Variants in COL21A1 observed in about 807,000 individuals in gnomAD.
COL21A1 encodes collagen alpha-1(XXI) chain.
Under a neutral mutation model 137.9 loss-of-function variants are expected in COL21A1, and 149 were observed. The observed-to-expected ratio is 1.08, with a 90% CI of 0.95 to 1.24. COL21A1 has a LOEUF of 1.24. Ranked by LOEUF, COL21A1 falls within the 50% of genes most tolerant of loss-of-function variation. The pLI is 0.00. For synonymous variants in COL21A1, 456 were observed against 391.5 expected, an observed-to-expected ratio of 1.16 and a Z score of -1.95; for missense variants, 1,167 against 1,158.4, an observed-to-expected ratio of 1.01 and a Z score of -0.11.
intron 17 of COL21A1, 70 bp from the exon 18 acceptor site, chr6:56,077,643 C>A: frequency 2.2e-6 from 2 of 898,642 alleles, no homozygotes; most frequent in African/African-American, 1.7e-5. Context: ...AAGAAACAGT[C>A]ACAATTGGAA....
intron 1 of COL21A1, among the ~76,000 whole-genome samples, chr6:56,285,878 T>G (rs901407493): frequency 1.7e-4 from 25 of 149,052 alleles, no homozygotes; most frequent in Non-Finnish European, 3.4e-4. Flanking sequence ...GCTTGCTTAC[T>G]CTTTTCTTCC....
chr6:56,391,006 C>T (rs2094028685), intron 1 of COL21A1, among the ~76,000 whole-genome samples: 2 of 152,150 alleles, frequency 1.3e-5, no homozygotes, highest in Admixed American at 1.3e-4. Flanking sequence ...GATCCAGTAC[C>T]TGCCAAATAC....
chr6:56,189,131 A>G (rs1308830831), intron 1 of COL21A1, among the ~76,000 whole-genome samples: 1 of 152,152 alleles, frequency 6.6e-6, no homozygotes, highest in Admixed American at 6.5e-5. Context: ...ACGAATTGAC[A>G]GAAGTAGGCT....
intron 1 of COL21A1, among the ~76,000 whole-genome samples, chr6:56,234,912 A>C (rs1461066710): frequency 2.0e-5 from 2 of 100,938 alleles, no homozygotes; most frequent in Admixed American, 1.8e-4. Flanking sequence ...TCATCCAGAA[A>C]ACACAACATC....
chr6:56,087,071 GT>G (rs1768326752), intron 17 of COL21A1, among the ~76,000 whole-genome samples: 2 of 65,808 alleles, frequency 3.0e-5, no homozygotes, highest in South Asian at 4.3e-4. Flanking sequence ...CTTTTGTTTT[GT>G]TTTGTTTTGT....
At chr6:56,141,525 G>A (rs968024808) in intron 12 of COL21A1, among the ~76,000 whole-genome samples, 2 of 152,166 alleles carry the variant, frequency 1.3e-5, no homozygotes, top group African/African-American at 4.8e-5. Flanking sequence ...GTAACTCCCT[G>A]TGGAGCTTAA....
chr6:56,116,400 A>T (rs1221244751), intron 16 of COL21A1, among the ~76,000 whole-genome samples: 9 of 19,462 alleles, frequency 4.6e-4, no homozygotes, highest in South Asian at 4.0e-3. Flanking sequence ...CAAAGGTAAA[A>T]AAAAAAAAAA....
At position 56,240,169 on chromosome 6, in the gene COL21A1, T is replaced by TC. The variant is rs1409502091; in HGVS notation, c.-39+7217_-39+7218insG. 1.2e-4 allele frequency among the ~76,000 whole-genome samples: 18 copies of TC among 152,034 alleles called. No homozygotes were observed. The East Asian group carries it at 3.3e-3, about 28-fold the overall frequency. On this transcript the variant is annotated intron_variant, in intron 1 of 29. Transcript: ENST00000244728. ...TGTGAGTCCATTAAACTTTTTTTTTTTTTTTTAAATAAACTACCCAGTCTC... is the reference window on the plus strand; with the variant it reads ...TGTGAGTCCATTAAACTTTTTTTTTTCTTTTTTAAATAAACTACCCAGTCTC...
chr6:56,390,918 C>CA (rs539587957), intron 1 of COL21A1, among the ~76,000 whole-genome samples: 83 of 152,166 alleles, frequency 5.5e-4, no homozygotes, highest in African/African-American at 1.9e-3. Flanking sequence ...ATCATCCAGA[C>CA]AAAAAATCAA....
intron 6 of COL21A1, 22 bp from the exon 7 acceptor site, chr6:56,167,005 A>G: frequency 1.3e-6 from 2 of 1,584,116 alleles, no homozygotes; most frequent in Non-Finnish European, 1.7e-6. Context: ...AACCCAGTAG[A>G]ATTAAAGTTG....
intron 3 of COL21A1, among the ~76,000 whole-genome samples, chr6:56,171,990 G>A (rs1777097985): frequency 6.6e-6 from 1 of 150,490 alleles, no homozygotes; most frequent in Non-Finnish European, 1.5e-5. Context: ...AAAGAAAAAG[G>A]AAGAGAAAGA....
At chr6:56,247,907 T>C (rs1782738149), upstream of COL21A1, among the ~76,000 whole-genome samples, 1 of 152,206 alleles carries the variant, frequency 6.6e-6, no homozygotes, top group Non-Finnish European at 1.5e-5. Flanking sequence ...TCGCCTGCAC[T>C]GATCGAAGGA....
At chr6:56,124,217 A>G in intron 15 of COL21A1, 22 bp downstream of exon 15, 1 of 1,580,730 alleles carries the variant, frequency 6.3e-7, no homozygotes, top group Non-Finnish European at 8.6e-7. Flanking sequence ...AAATACTAAG[A>G]GCTTTTTTCT....
chr6:56,390,579 T>C (rs1280194374), intron 1 of COL21A1, among the ~76,000 whole-genome samples: 1 of 148,472 alleles, frequency 6.7e-6, no homozygotes, highest in Non-Finnish European at 1.5e-5. Context: ...TCTATAAAGA[T>C]ACAAACAGCC....
chr6:56,373,212 T>C (rs1322175057), intron 1 of COL21A1, among the ~76,000 whole-genome samples: 1 of 152,246 alleles, frequency 6.6e-6, no homozygotes, highest in African/African-American at 2.4e-5. Context: ...TAGAGCCATA[T>C]TCCAGTTGGT....
At chr6:56,154,761 C>T (rs545793544) in intron 10 of COL21A1, among the ~76,000 whole-genome samples, 2 of 152,226 alleles carry the variant, frequency 1.3e-5, no homozygotes, top group East Asian at 3.9e-4. Context: ...GTAGATTGCC[C>T]TCACACTCTG....
At chr6:56,229,062 G>A (rs924063138) in intron 1 of COL21A1, among the ~76,000 whole-genome samples, 1 of 151,892 alleles carries the variant, frequency 6.6e-6, no homozygotes, top group African/African-American at 2.4e-5. Context: ...ATTTTTTGAT[G>A]CTTTCCAACT....
intron 1 of COL21A1, among the ~76,000 whole-genome samples, chr6:56,191,188 T>C (rs907462097): frequency 2.0e-5 from 3 of 152,178 alleles, no homozygotes; most frequent in Admixed American, 1.3e-4. Context: ...GATGACAAGA[T>C]TGTGTATTTA....
chr6:56,309,708 C>T (rs373217795), intron 1 of COL21A1, among the ~76,000 whole-genome samples: 20 of 152,286 alleles, frequency 1.3e-4, no homozygotes, highest in African/African-American at 4.3e-4. Flanking sequence ...AAAAAGTCTC[C>T]TCTGAAGGGA....
Sources: gnomAD v4.1 joint callset for allele counts (sites outside exome capture counted in the v4.1 genomes callset) on GRCh38, gnomAD v4.1.1 for gene constraint, MANE v1.5 for transcripts, NCBI Gene and HGNC (gene_info 2026-07-23, HGNC 2026-07-21) for gene names.